The following GPM6B variants were observed in gnomAD, a reference collection of about 807,000 sequenced individuals.
The protein encoded by GPM6B is glycoprotein M6B.
Under a neutral mutation model 27.2 loss-of-function variants are expected in GPM6B, and 4 were observed. That is an observed-to-expected ratio of 0.15 (90% CI 0.07 to 0.34). GPM6B has a LOEUF of 0.34. Ranked by LOEUF, GPM6B falls within the 10% of genes least tolerant of loss-of-function variation. The probability of loss-of-function intolerance (pLI) is 1.00; values close to 1 mark genes in which losing one functional copy is unlikely to be tolerated. For synonymous variants in GPM6B, 124 were observed against 103.1 expected, an observed-to-expected ratio of 1.20 and a Z score of -1.23; for missense variants, 183 against 261.9, an observed-to-expected ratio of 0.70 and a Z score of 2.08.
At chrX:13,924,752 C>A (rs1921086539) in intron 1 of GPM6B, among the ~76,000 whole-genome samples, 1 of 112,016 alleles carries the variant, frequency 8.9e-6, no homozygotes, top group African/African-American at 3.2e-5. Context: ...ATTGTGAACT[C>A]TATCACTGTT....
intron 1 of GPM6B, among the ~76,000 whole-genome samples, chrX:13,903,054 C>T (rs2050296181): frequency 8.9e-6 from 1 of 112,294 alleles, no homozygotes; most frequent in Non-Finnish European, 1.9e-5. Flanking sequence ...CAGAGCTTCA[C>T]TCGAGGAGGA....
At chrX:13,931,165 C>G (rs1921498543) in intron 1 of GPM6B, among the ~76,000 whole-genome samples, 1 of 107,434 alleles carries the variant, frequency 9.3e-6, no homozygotes, top group African/African-American at 3.4e-5. Flanking sequence ...GCCTGGGTGA[C>G]AGAACTAGAC....
intron 1 of GPM6B, 49 bp downstream of exon 1, chrX:13,816,795 A>C (rs1470332991): frequency 8.4e-7 from 1 of 1,185,177 alleles, no homozygotes; most frequent in Non-Finnish European, 1.1e-6. Context: ...CTTTTTAAGC[A>C]CCCCCCAGTG....
chrX:13,915,915 A>C (rs967972822), intron 1 of GPM6B, among the ~76,000 whole-genome samples: 1 of 111,875 alleles, frequency 8.9e-6, no homozygotes. Context: ...GATTCATAAG[A>C]AGCATCCTTT....
intron 1 of GPM6B, among the ~76,000 whole-genome samples, chrX:13,892,723 C>G (rs949322565): frequency 1.1e-4 from 12 of 111,591 alleles, no homozygotes; most frequent in African/African-American, 3.9e-4. Context: ...ACTGTTTACC[C>G]AGTAAATACA....
upstream of GPM6B, among the ~76,000 whole-genome samples, chrX:13,818,864 CAAATGAGA>C (rs2049277251): frequency 1.8e-5 from 2 of 112,420 alleles, no homozygotes; most frequent in African/African-American, 6.5e-5. Flanking sequence ...CCCAGCAGTT[CAAATGAGA>C]ATTAAAACCA....
intron 1 of GPM6B, among the ~76,000 whole-genome samples, chrX:13,873,599 C>T (rs912577110): frequency 2.7e-5 from 3 of 111,652 alleles, no homozygotes; most frequent in African/African-American, 9.8e-5. Flanking sequence ...AGAGGGATGA[C>T]TACATCAACT....
chrX:13,930,348 C>T (rs971419887), intron 1 of GPM6B, among the ~76,000 whole-genome samples: 5 of 111,786 alleles, frequency 4.5e-5, no homozygotes, highest in Admixed American at 9.5e-5. Context: ...GGCACGGTGG[C>T]TCACACCTAT....
rs184906485 is a variant in GPM6B at position 13,788,343 on chromosome X, T to C, written c.182-2535A>G. ...GTAACACAATTATTATAGTCCAGCA[T>C]GATGGGGGCAAAGATACAGACCCCT... On this transcript the variant is annotated intron_variant, in intron 2 of 7. Transcript: ENST00000316715. 3.7e-3 allele frequency among the ~76,000 whole-genome samples: 400 copies of C among 109,588 alleles called. 2 individuals carry two copies. Among genetic ancestry groups the C allele is most frequent in the African/African-American group, 0.013 (381 of 30,058 alleles).
At chrX:13,911,444 C>T (rs1355959240) in intron 1 of GPM6B, among the ~76,000 whole-genome samples, 2 of 111,938 alleles carry the variant, frequency 1.8e-5, no homozygotes, top group African/African-American at 3.2e-5. Context: ...TGTATTTTGT[C>T]GTCCAACATA....
Position 13,901,106 on chromosome X carries a change from T to C in GPM6B, c.-198+37221A>G, listed in dbSNP as rs111376769. 1.2e-3 allele frequency among the ~76,000 whole-genome samples: 139 copies of C among 111,995 alleles called. 1 individual carries two copies. The highest frequency in any genetic ancestry group is 4.1e-3 in the African/African-American group (126 of 30,823). ...CAATATTTGAAAAATATTAGTTGAA[T>C]GTAAATCTGAACATAGACTGACTCA... On this transcript the variant is annotated intron_variant, in intron 1 of 6. Transcript: ENST00000398361.
chrX:13,895,802 GATACAATTAGCATT>G (rs1211090215), intron 1 of GPM6B, among the ~76,000 whole-genome samples: 2 of 109,352 alleles, frequency 1.8e-5, no homozygotes, highest in Non-Finnish European at 3.8e-5. Flanking sequence ...GAAACAGTAG[GATACAATTAGCATT>G]TTTGAAAATC....
At chrX:13,802,657 A>C (rs999933416) in intron 2 of GPM6B, among the ~76,000 whole-genome samples, 8 of 111,586 alleles carry the variant, frequency 7.2e-5, no homozygotes, top group African/African-American at 2.6e-4. Context: ...GGTGCTTTGA[A>C]AATGAAAGAA....
chrX:13,901,630 A>G (rs1345332575), intron 1 of GPM6B, among the ~76,000 whole-genome samples: 1 of 111,274 alleles, frequency 9.0e-6, no homozygotes, highest in Non-Finnish European at 1.9e-5. Context: ...AAATCCAAAA[A>G]TATGTGCTTC....
intron 1 of GPM6B, among the ~76,000 whole-genome samples, chrX:13,890,281 GAA>G (rs2050177018): frequency 8.9e-6 from 1 of 112,033 alleles, no homozygotes; most frequent in Non-Finnish European, 1.9e-5. Flanking sequence ...GGCAACGTCA[GAA>G]AGTTACCCTA....
intron 1 of GPM6B, among the ~76,000 whole-genome samples, chrX:13,827,379 C>T (rs1437392977): frequency 2.8e-5 from 3 of 106,407 alleles, no homozygotes; most frequent in African/African-American, 6.9e-5. Context: ...AACTCCTGGG[C>T]TCAAGCCATC....
chrX:13,791,427 A>C (rs2048711253), intron 2 of GPM6B, among the ~76,000 whole-genome samples: 1 of 111,427 alleles, frequency 9.0e-6, no homozygotes. Context: ...GCCAGGCTAG[A>C]ATGCCAGGCT....
chrX:13,877,755 A>C (rs1196595536), intron 1 of GPM6B, among the ~76,000 whole-genome samples: 1 of 86,391 alleles, frequency 1.2e-5, no homozygotes, highest in Non-Finnish European at 2.1e-5. Context: ...GAGCCTAGGG[A>C]GGTTGAGGCT....
intron 7 of GPM6B, 108 bp from the exon 8 acceptor site, chrX:13,773,138 G>A (rs2048331349): frequency 3.2e-6 from 2 of 622,396 alleles, no homozygotes; most frequent in East Asian, 3.4e-5. Flanking sequence ...GGTTAATTCT[G>A]TATTAATAAA....
Sources: gnomAD v4.1 joint callset for allele counts (sites outside exome capture counted in the v4.1 genomes callset) on GRCh38, gnomAD v4.1.1 for gene constraint, MANE v1.5 for transcripts, NCBI Gene and HGNC (gene_info 2026-07-23, HGNC 2026-07-21) for gene names.